Variants in SRGAP3 observed in about 807,000 individuals in gnomAD.
The protein encoded by SRGAP3 is SLIT-ROBO Rho GTPase-activating protein 3.
In SRGAP3, 39 loss-of-function variants were observed where a neutral mutation model predicts 121.1. The observed-to-expected ratio is 0.32, with a 90% CI of 0.25 to 0.42. The LOEUF (loss-of-function observed/expected upper bound fraction) is 0.42, where lower values mean the gene tolerates loss of function less well. Among genes scored for constraint, SRGAP3 ranks in the 10% least tolerant of loss-of-function variants. The pLI is 1.00. For synonymous variants in SRGAP3, 601 were observed against 570.0 expected (o/e 1.05, Z -0.77); for missense variants, 1,213 against 1,470.6 (o/e 0.82, Z 2.86).
intron 1 of SRGAP3, among the ~76,000 whole-genome samples, chr3:9,190,086 A>G (rs1951707021): frequency 6.6e-6 from 1 of 152,248 alleles, no homozygotes. Flanking sequence ...CCAATATCCC[A>G]GGACCAGTAA....
chr3:9,111,095 AT>A (rs1948606578), intron 2 of SRGAP3, among the ~76,000 whole-genome samples: 1 of 152,228 alleles, frequency 6.6e-6, no homozygotes, highest in Non-Finnish European at 1.5e-5. Context: ...AATATTTTGT[AT>A]AGATCAGACC....
chr3:9,334,666 A>C (rs1955661891), intron 1 of SRGAP3, among the ~76,000 whole-genome samples: 1 of 152,206 alleles, frequency 6.6e-6, no homozygotes, highest in Non-Finnish European at 1.5e-5. Flanking sequence ...ATCCCACTCC[A>C]TTAGTTTACA....
At chr3:9,194,447 A>AT (rs1456109062) in intron 1 of SRGAP3, 2 of 152,208 alleles carry the variant, frequency 1.3e-5, no homozygotes, top group African/African-American at 2.4e-5. Context: ...AATGTTATCT[A>AT]TTTTTACGAT....
chr3:9,064,704 A>T, intron 4 of SRGAP3, 123 bp from the exon 5 acceptor site: 1 of 1,074,452 alleles, frequency 9.3e-7, no homozygotes, highest in Non-Finnish European at 1.3e-6. Flanking sequence ...CCCAAAACAC[A>T]CTCTGGGCAC....
At chr3:9,027,498 A>G (rs1174063703) in intron 12 of SRGAP3, among the ~76,000 whole-genome samples, 1 of 152,208 alleles carries the variant, frequency 6.6e-6, no homozygotes, top group East Asian at 1.9e-4. Flanking sequence ...AGAAAAGAAG[A>G]CCAGTTCTAC....
intron 1 of SRGAP3, among the ~76,000 whole-genome samples, chr3:9,144,308 T>G (rs1014260043): frequency 6.6e-6 from 1 of 152,260 alleles, no homozygotes; most frequent in Non-Finnish European, 1.5e-5. Context: ...CATTTGCTCT[T>G]TGTGCCCTAT....
chr3:9,247,093 T>C (rs973217159), intron 1 of SRGAP3, among the ~76,000 whole-genome samples: 1 of 152,176 alleles, frequency 6.6e-6, no homozygotes, highest in African/African-American at 2.4e-5. Context: ...ACCTGAACTG[T>C]CCAAAACTCA....
In SRGAP3 at chr3:9,346,979, C is replaced by T. The variant is rs2125292756; in HGVS notation, n.214+15861G>A. On this transcript the variant is annotated intron_variant and non_coding_transcript_variant, in intron 1 of 3. Coordinates refer to the SRGAP3 transcript ENST00000490889. ...CCATGTTGGCCAGGCTAGTCTCGAACTCCTTACCTCAGGTGATCCGCCCAG... is the reference window on the plus strand; with the variant it reads ...CCATGTTGGCCAGGCTAGTCTCGAATTCCTTACCTCAGGTGATCCGCCCAG... Among the ~76,000 whole-genome samples the T allele has an allele frequency of 2.6e-5, 4 of 152,050 alleles. 1 individual carries two copies. In the South Asian group the frequency reaches 8.3e-4, roughly 32 times the overall value.
rs557635171 is a variant in SRGAP3 at position 9,214,266 on chromosome 3, C to T, written c.67+34619G>A. 1.5e-3 allele frequency among the ~76,000 whole-genome samples: 222 copies of T among 152,280 alleles called. 1 individual carries two copies. Among genetic ancestry groups the T allele is most frequent in the Admixed American group, 3.8e-3 (58 of 15,288 alleles). On this transcript the variant is annotated intron_variant, in intron 1 of 21. Transcript: ENST00000383836. Reference sequence around the variant, plus strand: ...ATAATTATAATTGCAAGACCCTTAACAGTTTGCAAAGAATACTCATATTCA... The same window carrying T: ...ATAATTATAATTGCAAGACCCTTAATAGTTTGCAAAGAATACTCATATTCA...
chr3:9,021,639 C>T (rs1203400180), intron 14 of SRGAP3, among the ~76,000 whole-genome samples: 1 of 152,144 alleles, frequency 6.6e-6, no homozygotes, highest in East Asian at 1.9e-4. Context: ...GAAAAGAAAA[C>T]CATGCTCCTT....
intron 1 of SRGAP3, among the ~76,000 whole-genome samples, chr3:9,141,428 G>A (rs73811438): frequency 0.031 from 4,644 of 148,882 alleles, 210 homozygotes; most frequent in African/African-American, 0.11. Context: ...ACATCAGGCT[G>A]AGTGATTTAT....
intron 1 of SRGAP3, among the ~76,000 whole-genome samples, chr3:9,187,062 G>A (rs1047540014): frequency 3.3e-5 from 5 of 151,946 alleles, no homozygotes; most frequent in Non-Finnish European, 7.4e-5. Context: ...TGCTGCACCC[G>A]TCAACCCGTC....
In SRGAP3 at chr3:9,058,466, C is replaced by T; in HGVS notation, c.808G>A (p.Asp270Asn). 6.2e-7 allele frequency: 1 copy of T among 1,613,880 alleles called. No individual in the cohort carries two copies. The highest frequency in any genetic ancestry group is 8.5e-7 in the Non-Finnish European group (1 of 1,180,038). ...HDVSDLIDCC[D>N]LGFHASLART... ...GCCAGGCTGGCATGGAAGCCCAAATCACAGCACTTGGGGAGAGGCAACAAC... is the reference window on the plus strand; with the variant it reads ...GCCAGGCTGGCATGGAAGCCCAAATTACAGCACTTGGGGAGAGGCAACAAC... The change falls in exon 7 of 22, where the codon GAT becomes AAT. Residue 270 changes from aspartate to asparagine, a missense_variant. Asp to Asn is a conservative substitution (Grantham distance 23, BLOSUM62 1). Transcript: ENST00000383836.
chr3:9,153,622 A>G (rs1384078615), intron 1 of SRGAP3, among the ~76,000 whole-genome samples: 1 of 152,224 alleles, frequency 6.6e-6, no homozygotes, highest in Non-Finnish European at 1.5e-5. Flanking sequence ...TTTAATGTTC[A>G]AAGTCATGCA....
At chr3:9,094,456 A>G (rs1029983809) in intron 3 of SRGAP3, among the ~76,000 whole-genome samples, 6 of 152,208 alleles carry the variant, frequency 3.9e-5, no homozygotes, top group Non-Finnish European at 8.8e-5. Context: ...GTGTGTGAGC[A>G]GATACGCTAG....
At chr3:9,053,737 G>C (rs1157855750) in intron 8 of SRGAP3, among the ~76,000 whole-genome samples, 1 of 152,214 alleles carries the variant, frequency 6.6e-6, no homozygotes, top group African/African-American at 2.4e-5. Context: ...CTGAGAAAAG[G>C]AAAACTCCAG....
chr3:9,286,157 CACACAT>C (rs1165116061), intron 3 of SRGAP3, among the ~76,000 whole-genome samples: 2 of 136,616 alleles, frequency 1.5e-5, no homozygotes, highest in East Asian at 2.0e-4. Flanking sequence ...CACACACACA[CACACAT>C]TTATCTGTGT....
intron 3 of SRGAP3, among the ~76,000 whole-genome samples, chr3:9,265,634 C>T (rs1954344356): frequency 6.6e-6 from 1 of 151,996 alleles, no homozygotes; most frequent in Admixed American, 6.5e-5. Context: ...CTCATCATCA[C>T]TGGTCATTAG....
At chr3:9,347,147 C>T (rs567539713) in intron 1 of SRGAP3, among the ~76,000 whole-genome samples, 1 of 152,148 alleles carries the variant, frequency 6.6e-6, no homozygotes, top group South Asian at 2.1e-4. Flanking sequence ...ACTCACTCCC[C>T]TCCCAACTCT....
Sources: gnomAD v4.1 joint callset for allele counts (sites outside exome capture counted in the v4.1 genomes callset) on GRCh38, gnomAD v4.1.1 for gene constraint, MANE v1.5 for transcripts, NCBI Gene and HGNC (gene_info 2026-07-23, HGNC 2026-07-21) for gene names.